Variants in CDC42BPB observed in about 807,000 individuals in gnomAD.
CDC42BPB encodes CDC42 binding protein kinase beta.
In CDC42BPB, 37 loss-of-function variants were observed where a neutral mutation model predicts 214.9. The observed-to-expected ratio is 0.17, with a 90% CI of 0.13 to 0.23. CDC42BPB has a LOEUF of 0.23. CDC42BPB is among the 10% of genes least tolerant of loss of function. CDC42BPB has a pLI of 1.00. For synonymous variants in CDC42BPB, 931 were observed against 884.0 expected (o/e 1.05, Z -0.94); for missense variants, 1,694 against 2,227.0 (o/e 0.76, Z 4.82).
intron 1 of CDC42BPB, among the ~76,000 whole-genome samples, chr14:103,055,193 C>A (rs557587012): frequency 6.6e-6 from 1 of 152,332 alleles, no homozygotes; most frequent in Admixed American, 6.5e-5. Flanking sequence ...GAGGCCGAGG[C>A]AGGTGGATCA....
At chr14:102,957,223 A>AG (rs1229020095) in intron 21 of CDC42BPB, among the ~76,000 whole-genome samples, 4 of 146,404 alleles carry the variant, frequency 2.7e-5, no homozygotes, top group African/African-American at 2.6e-5. Context: ...AAAAAAAAAA[A>AG]GGGAGGGATG....
intron 20 of CDC42BPB, among the ~76,000 whole-genome samples, chr14:102,962,026 CACAAAAT>C (rs1447560582): frequency 2.0e-5 from 3 of 152,168 alleles, no homozygotes; most frequent in Admixed American, 6.5e-5. Flanking sequence ...ACATATAATG[CACAAAAT>C]ACAAAAGTCC....
intron 21 of CDC42BPB, among the ~76,000 whole-genome samples, chr14:102,955,554 A>G (rs1377230886): frequency 1.3e-5 from 2 of 152,264 alleles, no homozygotes; most frequent in African/African-American, 4.8e-5. Context: ...TGAAAATTTT[A>G]TGACACAGGG....
intron 1 of CDC42BPB, among the ~76,000 whole-genome samples, chr14:103,014,453 C>T (rs1886344895): frequency 6.6e-6 from 1 of 152,106 alleles, no homozygotes; most frequent in African/African-American, 2.4e-5. Context: ...TGAAAGGTGC[C>T]TCTGGGGGAA....
rs147365067 is a variant in CDC42BPB, at chr14:102,992,472, G to A, written c.597-5892C>T. On this transcript the variant is annotated intron_variant, in intron 5 of 36. Transcript: ENST00000361246. ...GCCAGTGTGGTGGGGTAGAGACGGT[G>A]CTCCTCTCGTTACGGAAGAGGCAGC... 4.0e-3 allele frequency among the ~76,000 whole-genome samples: 611 copies of A among 152,274 alleles called. 4 individuals carry two copies. The highest frequency in any genetic ancestry group is 0.014 in the African/African-American group (591 of 41,550).
intron 1 of CDC42BPB, among the ~76,000 whole-genome samples, chr14:103,026,756 T>C (rs536317252): frequency 6.6e-6 from 1 of 151,856 alleles, no homozygotes; most frequent in African/African-American, 2.4e-5. Context: ...TAGTCCCAGC[T>C]ACTCAGGAGG....
intron 1 of CDC42BPB, among the ~76,000 whole-genome samples, chr14:103,056,680 G>A (rs1467426555): frequency 6.6e-6 from 1 of 151,562 alleles, no homozygotes; most frequent in Non-Finnish European, 1.5e-5. Context: ...GCGGGGGGGA[G>A]GGGGTGGGAG....
intron 1 of CDC42BPB, among the ~76,000 whole-genome samples, chr14:103,045,447 A>AC (rs1397099437): frequency 7.2e-5 from 11 of 151,946 alleles, no homozygotes; most frequent in African/African-American, 2.2e-4. Flanking sequence ...CTCCACAGGG[A>AC]CCCCTGCACC....
At position 102,957,057 on chromosome 14, in the gene CDC42BPB, C is replaced by T. The variant is rs183269367; in HGVS notation, c.2902-2369G>A. On this transcript the variant is annotated intron_variant, in intron 21 of 36. Coordinates refer to ENST00000361246, the MANE Select transcript of CDC42BPB (RefSeq NM_006035.4). ...AAAAAAAAAAAAAAAAAAAATTAGC[C>T]GGGCATAGTGGCGCGTGCCTGTAGT... 6.5e-3 allele frequency among the ~76,000 whole-genome samples: 940 copies of T among 145,208 alleles called. 12 individuals carry two copies. The highest frequency in any genetic ancestry group is 0.021 in the African/African-American group (836 of 39,320).
Position 103,003,814 on chromosome 14 carries a change from A to G in CDC42BPB, c.447+114T>C, listed in dbSNP as rs920486929. 11 of 771,506 alleles carry G rather than the reference A, an allele frequency of 1.4e-5. No individual in the cohort carries two copies. The African/African-American group carries it at 1.7e-4, about 12-fold the overall frequency. The allele number at this position is 771,506 out of a possible 1,614,324, so 47.8% of individuals were successfully genotyped here. A position where few individuals can be genotyped will look rare whatever the true frequency, so the allele number is the denominator to read the frequency against. On this transcript the variant is annotated intron_variant, in intron 4 of 36. Coordinates refer to ENST00000361246, the MANE Select transcript of CDC42BPB (RefSeq NM_006035.4). ...CAAGCCCCGCCGTTTTATCGAGTCCAATACACATTTTTTAAATGTCAGTTC... is the reference window on the plus strand; with the variant it reads ...CAAGCCCCGCCGTTTTATCGAGTCCGATACACATTTTTTAAATGTCAGTTC...
intron 1 of CDC42BPB, among the ~76,000 whole-genome samples, chr14:103,019,480 C>T (rs1047484379): frequency 6.6e-6 from 1 of 152,210 alleles, no homozygotes; most frequent in Non-Finnish European, 1.5e-5. Context: ...GCCCGTCTTC[C>T]TCACCAGGCT....
chr14:103,056,773 G>A (rs956303615), intron 1 of CDC42BPB, among the ~76,000 whole-genome samples: 2 of 152,152 alleles, frequency 1.3e-5, no homozygotes, highest in Non-Finnish European at 1.5e-5. Flanking sequence ...GGAGGGCAAG[G>A]AGGGATGAAA....
At chr14:102,947,151 T>C (rs1387121520) in intron 27 of CDC42BPB, among the ~76,000 whole-genome samples, 1 of 152,200 alleles carries the variant, frequency 6.6e-6, no homozygotes. Context: ...GGGTTGTTTC[T>C]GAATAGAGCT....
chr14:102,990,887 T>C (rs1894461325), intron 5 of CDC42BPB, among the ~76,000 whole-genome samples: 1 of 152,194 alleles, frequency 6.6e-6, no homozygotes, highest in Non-Finnish European at 1.5e-5. Context: ...GAAGGATCCA[T>C]GTAGCCACAC....
At chr14:103,051,290 G>A (rs1888593226) in intron 1 of CDC42BPB, among the ~76,000 whole-genome samples, 1 of 151,660 alleles carries the variant, frequency 6.6e-6, no homozygotes, top group African/African-American at 2.4e-5. Flanking sequence ...ACAAATTTAA[G>A]GTAACCATAA....
intron 11 of CDC42BPB, among the ~76,000 whole-genome samples, chr14:102,975,081 A>AAGCTTTAGGAGGAAAGC (rs1893677239): frequency 6.6e-6 from 1 of 152,256 alleles, no homozygotes; most frequent in South Asian, 2.1e-4. Context: ...GTCACTGATT[A>AAGCTTTAGGAGGAAAGC]AGCTTTAGGA....
chr14:102,971,570 G>A (rs1411901139), intron 13 of CDC42BPB, among the ~76,000 whole-genome samples: 2 of 152,236 alleles, frequency 1.3e-5, no homozygotes, highest in African/African-American at 4.8e-5. Context: ...GGGATTCCAG[G>A]CGTGAGCCCC....
chr14:103,052,206 TATAGTC>T (rs1888645773), intron 1 of CDC42BPB, among the ~76,000 whole-genome samples: 1 of 152,160 alleles, frequency 6.6e-6, no homozygotes, highest in Admixed American at 6.5e-5. Context: ...CTCATGCTAT[TATAGTC>T]AGTATCAAAC....
chr14:103,037,471 A>G (rs1887729228), intron 1 of CDC42BPB, among the ~76,000 whole-genome samples: 1 of 152,058 alleles, frequency 6.6e-6, no homozygotes, highest in African/African-American at 2.4e-5. Flanking sequence ...TTTTTGTATA[A>G]TTTGTAGAAT....
Sources: allele counts gnomAD v4.1 joint callset (sites outside exome capture counted in the v4.1 genomes callset), GRCh38; gene constraint gnomAD v4.1.1; transcripts MANE v1.5; gene names NCBI Gene and HGNC (gene_info 2026-07-23, HGNC 2026-07-21).